Variants in HECA observed in about 807,000 individuals in gnomAD.
HECA encodes headcase protein homolog.
In HECA, 13 loss-of-function variants were observed where a neutral mutation model predicts 37.6. That is an observed-to-expected ratio of 0.35 (90% CI 0.23 to 0.55). The LOEUF (loss-of-function observed/expected upper bound fraction) is 0.55, where lower values mean the gene tolerates loss of function less well. HECA is among the 20% of genes least tolerant of loss of function. HECA has a pLI of 0.90. For missense variants in HECA, 527 were observed against 701.9 expected (o/e 0.75, Z 2.82); for synonymous variants, 307 against 291.5 (o/e 1.05, Z -0.54).
chr6:139,165,834 A>T (rs1210988833), intron 1 of HECA, among the ~76,000 whole-genome samples: 1 of 152,188 alleles, frequency 6.6e-6, no homozygotes, highest in East Asian at 1.9e-4. Flanking sequence ...TGTACTTAAG[A>T]TAGAGTACAA....
chr6:139,140,562 A>G (rs1418625849), intron 1 of HECA, among the ~76,000 whole-genome samples: 2 of 152,206 alleles, frequency 1.3e-5, no homozygotes, highest in African/African-American at 4.8e-5. Flanking sequence ...TCTGTCCTTA[A>G]GTTCTAGAAA....
In HECA at chr6:139,177,587, G is replaced by T. The variant is rs1308298374; in HGVS notation, c.*482G>T. ...TTAGTCTATCTCAGCCTAGTGTTCT[G>T]CAGCACACATGGGCAGGCAGTTTAC... On this transcript the variant is annotated 3_prime_UTR_variant, in exon 4 of 4. Transcript: ENST00000367658. The surrounding 1 kb of genome is among the most constrained non-coding windows in gnomAD (Gnocchi z 4.9). 1 of 152,910 alleles carries T rather than the reference G, an allele frequency of 6.5e-6. No homozygotes were observed. Among genetic ancestry groups the T allele is most frequent in the East Asian group, 1.9e-4 (1 of 5,202 alleles). The allele number at this position is 152,910 out of a possible 1,614,324, so 9.5% of individuals were successfully genotyped here.
chr6:139,150,474 TA>T (rs60587674), intron 1 of HECA, among the ~76,000 whole-genome samples: 83,958 of 144,564 alleles, frequency 0.58, 24,648 homozygotes, highest in Non-Finnish European at 0.62. Context: ...AGAGTGGGGC[TA>T]AAAAAAAAAA....
rs534771721 is a variant in HECA, at chr6:139,163,140, G to A, written c.272-3144G>A. Among the ~76,000 whole-genome samples the A allele has an allele frequency of 1.3e-4, 20 of 152,240 alleles. No homozygotes were observed. In the South Asian group the frequency reaches 3.9e-3, roughly 30 times the overall value. ...ATTGCATCCAGTGAATTCTTAACTC[G>A]GGGTGATTTTACCCCCTAGGGGATA... On this transcript the variant is annotated intron_variant, in intron 1 of 3. Transcript: ENST00000367658.
chr6:139,138,444 G>A (rs1426651139), intron 1 of HECA, among the ~76,000 whole-genome samples: 1 of 152,166 alleles, frequency 6.6e-6, no homozygotes, highest in South Asian at 2.1e-4. Context: ...CACTGTTCAA[G>A]TCAGCTATCT....
intron 3 of HECA, among the ~76,000 whole-genome samples, chr6:139,175,936 AATT>A (rs1173931652): frequency 5.9e-5 from 9 of 152,344 alleles, no homozygotes; most frequent in Middle Eastern, 3.4e-3. Context: ...GATTATTGTT[AATT>A]TAAAAAAATC....
intron 1 of HECA, among the ~76,000 whole-genome samples, chr6:139,139,143 G>A (rs1208548168): frequency 6.6e-6 from 1 of 151,938 alleles, no homozygotes; most frequent in African/African-American, 2.4e-5. Context: ...AGAACCCGTG[G>A]GCAGCAGAGT....
Position 139,167,173 on chromosome 6 carries a change from G to A in HECA, c.1161G>A (p.Ala387=), listed in dbSNP as rs747284214. The A allele has an allele frequency of 6.8e-6, 11 of 1,614,058 alleles. No homozygotes were observed. The highest frequency in any genetic ancestry group is 6.6e-5 in the South Asian group (6 of 91,090). ...ACTTGCGGAAGTTCATTCTGGCCGC[G>A]CTCAGTGCCAGCCACAGAAACGTGG... ...GEDLRKFILA[A]LSASHRNVVN... Residue 387 remains alanine, a synonymous_variant, in exon 2 of 4, where the codon GCG becomes GCA. Transcript: ENST00000367658.
chr6:139,150,844 G>C (rs1165720171), intron 1 of HECA, among the ~76,000 whole-genome samples: 1 of 152,088 alleles, frequency 6.6e-6, no homozygotes, highest in Non-Finnish European at 1.5e-5. Context: ...CTATCAATAG[G>C]AGTCTGTAAC....
intron 2 of HECA, among the ~76,000 whole-genome samples, chr6:139,173,018 G>C (rs1774996977): frequency 6.6e-6 from 1 of 152,150 alleles, no homozygotes; most frequent in Admixed American, 6.5e-5. Context: ...TCTGTACCTG[G>C]GAATGTTTGG....
intron 2 of HECA, among the ~76,000 whole-genome samples, chr6:139,171,497 T>C (rs1774972420): frequency 6.6e-6 from 1 of 152,262 alleles, no homozygotes; most frequent in African/African-American, 2.4e-5. Flanking sequence ...AAGTGAGGCC[T>C]TGACCACATA....
chr6:139,158,263 G>A (rs1465099015), intron 1 of HECA, among the ~76,000 whole-genome samples: 1 of 152,094 alleles, frequency 6.6e-6, no homozygotes, highest in Non-Finnish European at 1.5e-5. Flanking sequence ...AGCACTTTGG[G>A]AGGCCGAGGC....
Position 139,135,632 on chromosome 6 carries a change from C to G in HECA, c.236C>G (p.Ala79Gly), listed in dbSNP as rs1190296967. The G allele has an allele frequency of 3.1e-6, 3 of 973,498 alleles. No individual in the cohort carries two copies. Among genetic ancestry groups the G allele is most frequent in the Non-Finnish European group, 3.7e-6 (3 of 821,152 alleles). The allele number at this position is 973,498 out of a possible 1,614,324, so 60.3% of individuals were successfully genotyped here. ...AGTGAANAAA[A>G]AGAAAAGDAK... ...ACTGGCGCCGCGAACGCTGCGGCCG[C>G]CGCGGGGGCTGCGGCCGCGGGCGAT... Residue 79 changes from alanine to glycine, a missense_variant, in exon 1 of 4, where the codon GCC becomes GGC. Physicochemically the swap from Ala to Gly is moderately conservative, Grantham distance 60 (BLOSUM62 0). This residue lies in a region of HECA where 172 missense variants were observed against 197.6 expected (regional missense o/e 0.87). Coordinates refer to ENST00000367658, the MANE Select transcript of HECA (RefSeq NM_016217.3).
At chr6:139,143,810 G>A (rs761810734) in intron 1 of HECA, among the ~76,000 whole-genome samples, 1 of 151,074 alleles carries the variant, frequency 6.6e-6, no homozygotes, top group African/African-American at 2.4e-5. Flanking sequence ...GCAGTGAGCC[G>A]AGATTGCGCC....
intron 1 of HECA, among the ~76,000 whole-genome samples, chr6:139,149,640 G>A (rs368655194): frequency 5.8e-4 from 89 of 152,254 alleles, no homozygotes; most frequent in African/African-American, 1.9e-3. Flanking sequence ...GGAGCCTTTC[G>A]TTTCTCTGCA....
Position 139,180,218 on chromosome 6 carries a change from G to T in HECA, c.*3113G>T, listed in dbSNP as rs1213570253. On this transcript the variant is annotated 3_prime_UTR_variant, in exon 4 of 4. Coordinates refer to ENST00000367658, the MANE Select transcript of HECA (RefSeq NM_016217.3). Reference sequence around the variant, plus strand: ...CTGAGTAAAAGGTATTTTCATATATGTTGGGGGAAAATTAACTCATCTAAA... The same window carrying T: ...CTGAGTAAAAGGTATTTTCATATATTTTGGGGGAAAATTAACTCATCTAAA... The T allele has an allele frequency of 6.6e-6, 1 of 152,162 alleles. No individual in the cohort carries two copies. The allele number at this position is 152,162 out of a possible 1,614,324, so 9.4% of individuals were successfully genotyped here.
In HECA at chr6:139,166,276, T is replaced by TC; in HGVS notation, c.272-3dup. The TC allele has an allele frequency of 1.3e-6, 2 of 1,580,356 alleles. No individual in the cohort carries two copies. Among genetic ancestry groups the TC allele is most frequent in the Non-Finnish European group, 1.7e-6 (2 of 1,161,714 alleles). ...CTGAAATCTGTTCTCTCTTTATTCC[T>TC]CCCCCAGAAGCCCCATGTGCCACTC... On this transcript the variant is annotated splice_polypyrimidine_tract_variant and splice_region_variant and intron_variant, in intron 1 of 3. Transcript: ENST00000367658.
In HECA at chr6:139,135,588, GGGCGCCGGAGGCGCGGGGACT is replaced by G. The variant is rs1199268475; in HGVS notation, c.200_220del (p.Gly67_Ala73del). The stretch of plus-strand genomic sequence containing the variant: ...GCGCGCCGGGCGCCGGAGGCGCGGC[GGGCGCCGGAGGCGCGGGGACT>G]GGCGCCGCGAACGCTGCGGCCGCCG... On this transcript the variant is annotated inframe_deletion, in exon 1 of 4. Coordinates refer to ENST00000367658, the MANE Select transcript of HECA (RefSeq NM_016217.3). The G allele has an allele frequency of 5.2e-6, 5 of 965,898 alleles. No individual in the cohort carries two copies. Among genetic ancestry groups the G allele is most frequent in the Non-Finnish European group, 6.1e-6 (5 of 816,382 alleles). 59.8% of individuals were successfully genotyped at this position (965,898 alleles called of 1,614,324 possible).
chr6:139,177,079 T>G lies in HECA; in HGVS notation c.1606T>G (p.Ser536Ala). 1.2e-6 allele frequency: 1 copy of G among 861,038 alleles called. No individual in the cohort carries two copies. The highest frequency in any genetic ancestry group is 2.0e-6 in the Non-Finnish European group (1 of 491,820). The allele number at this position is 861,038 out of a possible 1,614,324, so 53.3% of individuals were successfully genotyped here. The change falls in exon 4 of 4, where the codon TCC (serine) becomes GCC (alanine). Residue 536 changes from serine (S) to alanine (A), a missense_variant. Ser to Ala is a moderately conservative substitution (Grantham distance 99). Coordinates refer to ENST00000367658, the MANE Select transcript of HECA (RefSeq NM_016217.3). This position sits in a 1 kb window ranked among gnomAD's most constrained non-coding sequence, Gnocchi z 4.9. ...LDYHFVKPFS[S>A]FKVLEAY is the part of the protein sequence containing the mutation. ...CTACCACTTCGTGAAGCCATTTTCC[T>G]CCTTCAAAGTTCTCGAAGCTTATTG...
Sources: allele counts gnomAD v4.1 joint callset (sites outside exome capture counted in the v4.1 genomes callset), GRCh38; gene constraint gnomAD v4.1.1; regional missense constraint gnomAD v4.1.1; non-coding constraint Gnocchi (gnomAD v3.1); transcripts MANE v1.5; gene names NCBI Gene and HGNC (gene_info 2026-07-23, HGNC 2026-07-21).